The following MDN1 variants were observed in gnomAD, a reference collection of about 807,000 sequenced individuals.
MDN1 encodes midasin AAA ATPase 1.
MDN1 carries 266 observed loss-of-function variants against 669.2 expected under a neutral mutation model. The ratio of observed to expected loss-of-function variants is 0.40; its 90% CI spans 0.36 to 0.44. The LOEUF (loss-of-function observed/expected upper bound fraction) is 0.44. Among genes scored for constraint, MDN1 ranks in the 20% least tolerant of loss-of-function variants. The probability of loss-of-function intolerance (pLI) is 1.00; values close to 1 mark genes in which losing one functional copy is unlikely to be tolerated. For missense variants in MDN1, 5,940 were observed against 6,754.0 expected, an observed-to-expected ratio of 0.88 and a Z score of 4.22; for synonymous variants, 2,385 against 2,457.1, an observed-to-expected ratio of 0.97 and a Z score of 0.87.
Position 89,672,562 on chromosome 6 carries a change from G to T in MDN1, c.13615C>A (p.Pro4539Thr), listed in dbSNP as rs781160249. Reference protein sequence around the residue: ...KAEENTDQASPQEDYAGFERL... With the variant: ...KAEENTDQASTQEDYAGFERL... ...TCAGACATACCATAATCTTCTTGTG[G>T]GCTTGCTTGGTCAGTGTTCTCCTCT... Residue 4539 changes from proline (P) to threonine (T), a missense_variant, in exon 81 of 102, where the codon CCA becomes ACA. Pro to Thr is a conservative substitution (Grantham distance 38, BLOSUM62 -1). Transcript: ENST00000369393. The T allele has an allele frequency of 2.0e-5, 33 of 1,613,138 alleles. No individual in the cohort carries two copies. Among genetic ancestry groups the T allele is most frequent in the Non-Finnish European group, 2.8e-5 (33 of 1,179,690 alleles).
At chr6:89,770,122 G>A (rs771829178) in intron 15 of MDN1, among the ~76,000 whole-genome samples, 2 of 151,752 alleles carry the variant, frequency 1.3e-5, no homozygotes, top group Non-Finnish European at 2.9e-5. Flanking sequence ...AAAGAATTAA[G>A]AGGCCGGGTG....
intron 93 of MDN1, among the ~76,000 whole-genome samples, chr6:89,653,777 TTAATA>T (rs772534191): frequency 6.6e-6 from 1 of 152,246 alleles, no homozygotes; most frequent in Non-Finnish European, 1.5e-5. Context: ...TCTATTTCTT[TTAATA>T]TTTTACTGCA....
intron 58 of MDN1, among the ~76,000 whole-genome samples, 173 bp downstream of exon 58, chr6:89,699,428 A>G (rs942309371): frequency 6.6e-6 from 1 of 152,222 alleles, no homozygotes; most frequent in Admixed American, 6.5e-5. Context: ...ATACCCTCAT[A>G]ATTACTATAA....
At chr6:89,647,157 C>T (rs1284795110) in intron 99 of MDN1, among the ~76,000 whole-genome samples, 1 of 152,068 alleles carries the variant, frequency 6.6e-6, no homozygotes, top group Non-Finnish European at 1.5e-5. Context: ...TGGAAGATAC[C>T]CCAAAGGAAA....
At chr6:89,734,158 G>A (rs904096897) in intron 33 of MDN1, among the ~76,000 whole-genome samples, 2 of 151,840 alleles carry the variant, frequency 1.3e-5, no homozygotes, top group Non-Finnish European at 2.9e-5. Flanking sequence ...GGTGGCACGT[G>A]CCTGTAATCT....
At chr6:89,737,922 C>T (rs1312908441) in intron 33 of MDN1, among the ~76,000 whole-genome samples, 2 of 152,048 alleles carry the variant, frequency 1.3e-5, no homozygotes, top group Admixed American at 1.3e-4. Flanking sequence ...TGGGTTTTCG[C>T]CATGTTGGCC....
chr6:89,691,159 C>CT (rs1812353844), intron 63 of MDN1, among the ~76,000 whole-genome samples: 1 of 152,268 alleles, frequency 6.6e-6, no homozygotes, highest in African/African-American at 2.4e-5. Flanking sequence ...CAGGGTTGGC[C>CT]ATGAGAGGGT....
At position 89,699,637 on chromosome 6, in the gene MDN1, C is replaced by T; in HGVS notation, c.8961G>A (p.Glu2987=). The stretch of plus-strand genomic sequence containing the variant: ...GCAGCAAGGACCACAGATCTCGAAG[C>T]TCTTGAGGTGTAACAGGTGTGTGAT... ...CLYHTPVTPQ[E]LRDLWSLLHH... is the part of the protein sequence containing the mutation. The change falls in exon 58 of 102, where the codon GAG becomes GAA. Residue 2987 remains glutamate (E), a synonymous_variant. Coordinates refer to ENST00000369393, the MANE Select transcript of MDN1 (RefSeq NM_014611.3). 6.2e-7 allele frequency: 1 copy of T among 1,613,968 alleles called. No homozygotes were observed. The highest frequency in any genetic ancestry group is 8.5e-7 in the Non-Finnish European group (1 of 1,179,960).
At chr6:89,665,312 C>T (rs1032290823) in intron 84 of MDN1, among the ~76,000 whole-genome samples, 4 of 152,242 alleles carry the variant, frequency 2.6e-5, no homozygotes, top group East Asian at 1.9e-4. Flanking sequence ...CAGGTGTGAG[C>T]GACTGAGCCC....
chr6:89,683,618 T>C (rs1260944425), intron 72 of MDN1, among the ~76,000 whole-genome samples: 1 of 152,150 alleles, frequency 6.6e-6, no homozygotes, highest in Non-Finnish European at 1.5e-5. Flanking sequence ...GCCTGCTTTG[T>C]CTCAAGGCAC....
chr6:89,760,622 T>C lies in MDN1; in HGVS notation c.2460+1023A>G, dbSNP rs117071104. Among the ~76,000 whole-genome samples, 92 of 152,242 alleles carry C rather than the reference T, an allele frequency of 6.0e-4. No homozygotes were observed. In the East Asian group the frequency reaches 0.013, roughly 21 times the overall value. ...ATAAAGAAAATGTTGTATATATACA[T>C]ATATACAAACAATGGAATCCTATGG... On this transcript the variant is annotated intron_variant, in intron 17 of 101. Coordinates refer to ENST00000369393, the MANE Select transcript of MDN1 (RefSeq NM_014611.3).
intron 79 of MDN1, 146 bp downstream of exon 79, chr6:89,673,958 C>CCA: frequency 1.2e-5 from 4 of 325,946 alleles, no homozygotes; most frequent in Admixed American, 8.9e-5. Context: ...CCCACCCCAT[C>CCA]CCCCAAACCG....
At position 89,658,805 on chromosome 6, in the gene MDN1, C is replaced by T; in HGVS notation, c.14826G>A (p.Glu4942=). 1 of 1,614,172 alleles carries T rather than the reference C, an allele frequency of 6.2e-7. No individual in the cohort carries two copies. Among genetic ancestry groups the T allele is most frequent in the Non-Finnish European group, 8.5e-7 (1 of 1,180,030 alleles). Residue 4942 remains glutamate (E), a synonymous_variant, in exon 89 of 102, where the codon GAG becomes GAA. Coordinates refer to ENST00000369393, the MANE Select transcript of MDN1 (RefSeq NM_014611.3). The part of the protein sequence containing the change: ...QNESQSPQEP[E]EGPSEDDKAE... The stretch of plus-strand genomic sequence containing the variant: ...CCTTGTCATCTTCACTGGGGCCTTC[C>T]TCAGGCTCCTGTGGACTCTGACTTT...
At chr6:89,727,757 GA>G in intron 37 of MDN1, 75 bp downstream of exon 37, 1 of 1,607,002 alleles carries the variant, frequency 6.2e-7, no homozygotes, top group African/African-American at 1.3e-5. Context: ...AATGGATTGT[GA>G]AATGGAGCTG....
In MDN1 at chr6:89,690,850, A is replaced by G; in HGVS notation, c.10588-16T>C. On this transcript the variant is annotated splice_polypyrimidine_tract_variant and intron_variant, in intron 63 of 101. Transcript: ENST00000369393. The stretch of plus-strand genomic sequence containing the variant: ...TGATGATTTCCTGAAAGTCACACAG[A>G]CAGAAAGAAGCTGAGCTTTCTTTGC... 6.2e-7 allele frequency: 1 copy of G among 1,612,594 alleles called. No homozygotes were observed. The highest frequency in any genetic ancestry group is 8.5e-7 in the Non-Finnish European group (1 of 1,179,376).
Position 89,700,842 on chromosome 6 carries a change from C to A in MDN1, c.8442G>T (p.Val2814=), listed in dbSNP as rs376759412. 1.2e-5 allele frequency: 19 copies of A among 1,613,930 alleles called. No individual in the cohort carries two copies. The highest frequency in any genetic ancestry group is 3.3e-5 in the South Asian group (3 of 91,062). ...GGACCTTCAGTTGTGAAAAACACTC[C>A]ACCACCAGCTTGTCCTGAAACAACA... The part of the protein sequence containing the change: ...RPFPFKDKLV[V]ECFSQLKVLN... Residue 2814 remains valine, a synonymous_variant, in exon 56 of 102, where the codon GTG becomes GTT. Coordinates refer to ENST00000369393, the MANE Select transcript of MDN1 (RefSeq NM_014611.3).
At position 89,689,901 on chromosome 6, in the gene MDN1, T is replaced by A; in HGVS notation, c.10992A>T (p.Ala3664=). 6.2e-7 allele frequency: 1 copy of A among 1,614,184 alleles called. No homozygotes were observed. ...SLFLSCYQTG[A]SLVTHFYPLM... is the part of the protein sequence containing the mutation. ...GGGGGTAGAAGTGTGTCACAAGCGA[T>A]GCCCCAGTCTGATAGCAAGACAGAA... Residue 3664 remains alanine, a synonymous_variant, in exon 65 of 102, where the codon GCA becomes GCT. Transcript: ENST00000369393.
At chr6:89,726,367 G>C (rs1157416634) in intron 37 of MDN1, among the ~76,000 whole-genome samples, 1 of 150,516 alleles carries the variant, frequency 6.6e-6, no homozygotes, top group African/African-American at 2.4e-5. Context: ...TGAGGCAGGA[G>C]ATTCACGATT....
chr6:89,658,227 C>T lies in MDN1; in HGVS notation c.15165G>A (p.Glu5055=), dbSNP rs1809464037. 6.2e-7 allele frequency: 1 copy of T among 1,614,196 alleles called. No individual in the cohort carries two copies. The highest frequency in any genetic ancestry group is 8.5e-7 in the Non-Finnish European group (1 of 1,180,040). ...TGATCACCTCTTTCCCCTGCTCCTT[C>T]TCAGGTGCGGCCCCAGCCAGCTCCA... ...QAMELAGAAP[E]KEQGKEEHGS... The change falls in exon 90 of 102, where the codon GAG becomes GAA. Residue 5055 remains glutamate (E), a synonymous_variant. Coordinates refer to ENST00000369393, the MANE Select transcript of MDN1 (RefSeq NM_014611.3).
Sources: allele counts gnomAD v4.1 joint callset (sites outside exome capture counted in the v4.1 genomes callset), GRCh38; gene constraint gnomAD v4.1.1; transcripts MANE v1.5; gene names NCBI Gene and HGNC (gene_info 2026-07-23, HGNC 2026-07-21).